Variants in FTCDNL1 observed in about 807,000 individuals in gnomAD.
FTCDNL1 encodes the protein formiminotransferase cyclodeaminase N-terminal like.
In FTCDNL1, 11 loss-of-function variants were observed where a neutral mutation model predicts 5.9. The observed-to-expected ratio is 1.87, with a 90% CI of 1.18 to 3.10. FTCDNL1 has a LOEUF of 3.10. Among genes scored for constraint, FTCDNL1 ranks in the 30% most tolerant of loss-of-function variants. FTCDNL1 has a pLI of 0.00. For missense variants in FTCDNL1, 115 were observed against 65.5 expected (o/e 1.76, Z -2.61); for synonymous variants, 58 against 24.8 (o/e 2.34, Z -3.99).
exon 4 of FTCDNL1, chr2:199,760,826 C>T: frequency 1.4e-6 from 1 of 702,290 alleles, no homozygotes; most frequent in South Asian, 1.5e-5. Flanking sequence ...GGCTTGGTTG[C>T]GCTTGTCCAC....
chr2:199,718,106 T>C, the FTCDNL1 span, among the ~76,000 whole-genome samples: 1 of 152,168 alleles, frequency 6.6e-6, no homozygotes, highest in Non-Finnish European at 1.5e-5. Context: ...CCAGTGCAGA[T>C]TTCTTACATG....
the FTCDNL1 span, among the ~76,000 whole-genome samples, chr2:199,700,726 A>C: frequency 6.6e-6 from 1 of 152,202 alleles, no homozygotes; most frequent in Non-Finnish European, 1.5e-5. Flanking sequence ...GGACTCAGAA[A>C]TAAAGCCGCA....
At chr2:199,747,565 G>A in the FTCDNL1 span, among the ~76,000 whole-genome samples, 6 of 122,906 alleles carry the variant, frequency 4.9e-5, no homozygotes, top group African/African-American at 1.6e-4. Context: ...TAAAACCCTC[G>A]GGGAGAATCT....
intron 3 of FTCDNL1, among the ~76,000 whole-genome samples, chr2:199,822,816 A>G (rs558942812): frequency 2.0e-5 from 3 of 152,284 alleles, no homozygotes; most frequent in South Asian, 4.2e-4. Context: ...TGCTTCATCC[A>G]TAAGAAGTAA....
intron 3 of FTCDNL1, among the ~76,000 whole-genome samples, chr2:199,783,553 G>C (rs1433464358): frequency 6.6e-6 from 1 of 152,060 alleles, no homozygotes; most frequent in East Asian, 1.9e-4. Context: ...ACCCTGTCAG[G>C]GTTTTAAATT....
intron 3 of FTCDNL1, among the ~76,000 whole-genome samples, chr2:199,776,958 ATG>A (rs56145074): frequency 0.11 from 14,724 of 135,882 alleles, 1,569 homozygotes; most frequent in African/African-American, 0.29. Flanking sequence ...ATGTGTGTAT[ATG>A]TGTGTGTGTG....
intron 3 of FTCDNL1, among the ~76,000 whole-genome samples, chr2:199,828,065 A>G (rs1294734376): frequency 6.6e-6 from 1 of 152,212 alleles, no homozygotes; most frequent in Non-Finnish European, 1.5e-5. Flanking sequence ...TACTCAAGGA[A>G]ATAACATTTG....
chr2:199,706,440 A>T, the FTCDNL1 span, among the ~76,000 whole-genome samples: 2 of 152,150 alleles, frequency 1.3e-5, no homozygotes, highest in Non-Finnish European at 2.9e-5. Context: ...TAATGCTCCA[A>T]TTATGCTGGT....
chr2:199,748,972 G>C, the FTCDNL1 span, among the ~76,000 whole-genome samples: 1 of 152,052 alleles, frequency 6.6e-6, no homozygotes, highest in African/African-American at 2.4e-5. Flanking sequence ...CACTCCCCAG[G>C]GCACAGGAGG....
chr2:199,785,954 C>A (rs6723607), intron 3 of FTCDNL1, among the ~76,000 whole-genome samples: 68,059 of 152,010 alleles, frequency 0.45, 17,378 homozygotes, highest in Non-Finnish European at 0.56. Context: ...GTTAGATTCT[C>A]ATAGGAGCAC....
intron 3 of FTCDNL1, among the ~76,000 whole-genome samples, chr2:199,777,468 AG>A (rs1011872102): frequency 7.9e-5 from 12 of 152,116 alleles, no homozygotes; most frequent in African/African-American, 2.9e-4. Context: ...CTCTAAGGGA[AG>A]TCAGTCTTTT....
chr2:199,672,343 T>A, the FTCDNL1 span, among the ~76,000 whole-genome samples: 1 of 152,178 alleles, frequency 6.6e-6, no homozygotes, highest in East Asian at 1.9e-4. Flanking sequence ...TAGAAGCATA[T>A]AAATAGATTT....
At chr2:199,824,407 A>C (rs1476073072) in intron 3 of FTCDNL1, among the ~76,000 whole-genome samples, 1 of 152,214 alleles carries the variant, frequency 6.6e-6, no homozygotes, top group African/African-American at 2.4e-5. Flanking sequence ...AACTTTCTTC[A>C]TATCAGCAAT....
At chr2:199,741,386 A>G in the FTCDNL1 span, among the ~76,000 whole-genome samples, 1 of 152,222 alleles carries the variant, frequency 6.6e-6, no homozygotes, top group Non-Finnish European at 1.5e-5. Flanking sequence ...TATGTACCTA[A>G]TTAATTGATG....
chr2:199,739,562 A>G, the FTCDNL1 span, among the ~76,000 whole-genome samples: 2 of 152,194 alleles, frequency 1.3e-5, no homozygotes, highest in African/African-American at 2.4e-5. Flanking sequence ...GCCTCCATAC[A>G]GGAGTTTGGC....
intron 3 of FTCDNL1, among the ~76,000 whole-genome samples, chr2:199,777,004 G>A (rs1056448531): frequency 1.5e-5 from 2 of 134,612 alleles, no homozygotes; most frequent in African/African-American, 5.5e-5. Flanking sequence ...GTGTGTGTGT[G>A]TATTGAGGCC....
At chr2:199,712,451 T>C in the FTCDNL1 span, among the ~76,000 whole-genome samples, 1 of 152,206 alleles carries the variant, frequency 6.6e-6, no homozygotes, top group Non-Finnish European at 1.5e-5. Flanking sequence ...CTACCTAGAA[T>C]GTACTGTTCA....
chr2:199,673,149 G>A, the FTCDNL1 span, among the ~76,000 whole-genome samples: 1 of 151,860 alleles, frequency 6.6e-6, no homozygotes, highest in Non-Finnish European at 1.5e-5. Flanking sequence ...TCAACATGGT[G>A]AAACCCCGTC....
At chr2:199,789,013 C>A (rs1699793241) in intron 3 of FTCDNL1, among the ~76,000 whole-genome samples, 1 of 148,742 alleles carries the variant, frequency 6.7e-6, no homozygotes, top group Admixed American at 6.8e-5. Flanking sequence ...TAGAAGAAAG[C>A]TATCATTACG....
Sources: gnomAD v4.1 joint callset for allele counts (sites outside exome capture counted in the v4.1 genomes callset) on GRCh38, gnomAD v4.1.1 for gene constraint, MANE v1.5 for transcripts, NCBI Gene and HGNC (gene_info 2026-07-23, HGNC 2026-07-21) for gene names.